SRP9: variants seen among roughly 807,000 people sequenced by gnomAD.
SRP9 encodes the protein signal recognition particle 9.
SRP9 carries 2 observed loss-of-function variants against 11.7 expected under a neutral mutation model. That is an observed-to-expected ratio of 0.17 (90% confidence interval 0.07 to 0.54). The LOEUF (loss-of-function observed/expected upper bound fraction) is 0.54. Ranked by LOEUF, SRP9 falls within the 20% of genes least tolerant of loss-of-function variation. The pLI is 0.94. For missense variants in SRP9, 54 were observed against 108.1 expected (o/e 0.50, Z 2.22); for synonymous variants, 27 against 35.6 (o/e 0.76, Z 0.86).
At chr1:225,788,749 C>T (rs903295923) in intron 2 of SRP9, among the ~76,000 whole-genome samples, 1 of 152,080 alleles carries the variant, frequency 6.6e-6, no homozygotes, top group African/African-American at 2.4e-5. Flanking sequence ...ATGTGTTGAC[C>T]AGCTATACAC....
intron 1 of SRP9, among the ~76,000 whole-genome samples, chr1:225,779,161 T>C (rs1348340224): frequency 1.3e-5 from 2 of 151,952 alleles, no homozygotes. Context: ...TTTATTTTTT[T>C]TGAGACGAAA....
chr1:225,781,402 T>C (rs1162216346), intron 1 of SRP9, among the ~76,000 whole-genome samples: 4 of 140,064 alleles, frequency 2.9e-5, no homozygotes, highest in Non-Finnish European at 6.4e-5. Context: ...TTTCTTTTTT[T>C]TTTTTTTTTT....
At chr1:225,778,843 T>C (rs979900316) in intron 1 of SRP9, among the ~76,000 whole-genome samples, 1 of 152,270 alleles carries the variant, frequency 6.6e-6, no homozygotes, top group Non-Finnish European at 1.5e-5. Context: ...GAAGGGATTT[T>C]ATACTGAAAA....
At chr1:225,786,126 T>TCCCCA (rs1665904930) in intron 2 of SRP9, among the ~76,000 whole-genome samples, 1 of 152,254 alleles carries the variant, frequency 6.6e-6, no homozygotes, top group South Asian at 2.1e-4. Context: ...GTGTTAGGCC[T>TCCCCA]CAGTGCTTTC....
intron 2 of SRP9, among the ~76,000 whole-genome samples, chr1:225,786,361 C>T (rs990276398): frequency 6.6e-6 from 1 of 152,182 alleles, no homozygotes; most frequent in Non-Finnish European, 1.5e-5. Flanking sequence ...TGTCTTATTT[C>T]CATTGCCTAC....
At chr1:225,781,524 C>T (rs987188849) in intron 1 of SRP9, among the ~76,000 whole-genome samples, 2 of 151,742 alleles carry the variant, frequency 1.3e-5, no homozygotes, top group Non-Finnish European at 2.9e-5. Flanking sequence ...CTCAGCCTCC[C>T]GAGTAGCTGG....
At chr1:225,785,360 A>T (rs1425249887) in intron 2 of SRP9, among the ~76,000 whole-genome samples, 2 of 149,786 alleles carry the variant, frequency 1.3e-5, no homozygotes, top group African/African-American at 2.5e-5. Flanking sequence ...TACAGGGGTG[A>T]GCCACTGCGC....
intron 2 of SRP9, among the ~76,000 whole-genome samples, chr1:225,783,802 C>T (rs530101130): frequency 2.6e-5 from 4 of 152,348 alleles, no homozygotes; most frequent in African/African-American, 9.6e-5. Context: ...AGCGAAACTG[C>T]TCTTTGTGAG....
At chr1:225,781,964 A>G (rs948786531) in intron 1 of SRP9, among the ~76,000 whole-genome samples, 2 of 152,050 alleles carry the variant, frequency 1.3e-5, no homozygotes, top group South Asian at 4.1e-4. Context: ...GACAAATCGC[A>G]TATAGTGATG....
rs1666003497 is a variant in SRP9, at chr1:225,790,309, T to C, written c.*950T>C. 6.6e-6 allele frequency: 1 copy of C among 152,246 alleles called. No homozygotes were observed. The highest frequency in any genetic ancestry group is 2.1e-4 in the South Asian group (1 of 4,834). 9.4% of individuals were successfully genotyped at this position (152,246 alleles called of 1,614,324 possible). Reference sequence around the variant, plus strand: ...TTTGTATTTCACCACCTAAATGTAATGTTGATTCCTCAAGAATGAAATGAA... The same window carrying C: ...TTTGTATTTCACCACCTAAATGTAACGTTGATTCCTCAAGAATGAAATGAA... On this transcript the variant is annotated 3_prime_UTR_variant, in exon 3 of 3. Coordinates refer to ENST00000304786, the MANE Select transcript of SRP9 (RefSeq NM_003133.6).
At chr1:225,780,670 C>A (rs1434481365) in intron 1 of SRP9, among the ~76,000 whole-genome samples, 1 of 152,146 alleles carries the variant, frequency 6.6e-6, no homozygotes, top group Non-Finnish European at 1.5e-5. Flanking sequence ...GATCTTTGAA[C>A]CCCAAGTCCA....
intron 1 of SRP9, among the ~76,000 whole-genome samples, chr1:225,781,670 A>G (rs1266470523): frequency 6.6e-6 from 1 of 152,172 alleles, no homozygotes; most frequent in East Asian, 1.9e-4. Context: ...TGCTGGGATT[A>G]TAGGCATGAG....
At chr1:225,788,605 G>A (rs1290596030) in intron 2 of SRP9, among the ~76,000 whole-genome samples, 2 of 151,742 alleles carry the variant, frequency 1.3e-5, no homozygotes, top group South Asian at 2.1e-4. Context: ...TAGTAGAGAC[G>A]GGGTTTCACC....
intron 2 of SRP9, among the ~76,000 whole-genome samples, chr1:225,788,750 A>G (rs1665965527): frequency 6.6e-6 from 1 of 152,206 alleles, no homozygotes; most frequent in Non-Finnish European, 1.5e-5. Context: ...TGTGTTGACC[A>G]GCTATACACA....
intron 2 of SRP9, among the ~76,000 whole-genome samples, chr1:225,787,146 A>C (rs1665934073): frequency 6.6e-6 from 1 of 152,152 alleles, no homozygotes; most frequent in Non-Finnish European, 1.5e-5. Context: ...GTACTTCTTA[A>C]ATCTTGACAT....
rs1160304590 is a variant in SRP9 at position 225,778,878 on chromosome 1, C to A, written c.72+866C>A. ...ACCTCAGACCTGGTTATGTATGATG[C>A]TTCTTTTGTTTTGTGTTTGTTGTAA... On this transcript the variant is annotated intron_variant, in intron 1 of 2. Transcript: ENST00000304786. Among the ~76,000 whole-genome samples, 8 of 152,274 alleles carry A rather than the reference C, an allele frequency of 5.3e-5. No homozygotes were observed. The East Asian group carries it at 1.2e-3, about 22-fold the overall frequency.
intron 1 of SRP9, among the ~76,000 whole-genome samples, chr1:225,778,850 A>G (rs1665738755): frequency 6.6e-6 from 1 of 152,240 alleles, no homozygotes; most frequent in Non-Finnish European, 1.5e-5. Flanking sequence ...TTTTATACTG[A>G]AAACCTCAGA....
intron 2 of SRP9, among the ~76,000 whole-genome samples, chr1:225,788,303 G>A (rs1008624764): frequency 7.2e-5 from 11 of 152,096 alleles, no homozygotes; most frequent in Non-Finnish European, 8.8e-5. Context: ...GCTGAGGATC[G>A]CTTGAGCCCA....
At chr1:225,786,935 TGG>T (rs1015916634) in intron 2 of SRP9, 2 of 719,668 alleles carry the variant, frequency 2.8e-6, no homozygotes, top group African/African-American at 3.7e-5. Context: ...CTCGACCTCC[TGG>T]GCTCAAGCGG....
Sources: allele counts gnomAD v4.1 joint callset (sites outside exome capture counted in the v4.1 genomes callset), GRCh38; gene constraint gnomAD v4.1.1; transcripts MANE v1.5; gene names NCBI Gene and HGNC (gene_info 2026-07-23, HGNC 2026-07-21).